The following MCRS1 variants were observed in gnomAD, a reference collection of about 807,000 sequenced individuals.
The protein encoded by MCRS1 is 58 kDa microspherule protein.
A neutral mutation model predicts 62.9 loss-of-function variants in MCRS1; 22 were observed. That is an observed-to-expected ratio of 0.35 (90% confidence interval 0.25 to 0.50). The LOEUF (loss-of-function observed/expected upper bound fraction) is 0.50, where lower values mean the gene tolerates loss of function less well. Ranked by LOEUF, MCRS1 falls within the 20% of genes least tolerant of loss-of-function variation. The pLI is 0.98. For missense variants in MCRS1, 456 were observed against 601.1 expected (o/e 0.76, Z 2.52); for synonymous variants, 244 against 233.5 (o/e 1.04, Z -0.41).
At chr12:49,568,011 C>T (rs773020700) in intron 1 of MCRS1, 37 bp downstream of exon 1, 1 of 152,226 alleles carries the variant, frequency 6.6e-6, no homozygotes, top group Non-Finnish European at 1.5e-5. Context: ...TCCCCAACTC[C>T]TCTGAGAACC....
At chr12:49,560,138 G>A (rs1253445109) in intron 9 of MCRS1, among the ~76,000 whole-genome samples, 157 bp downstream of exon 9, 1 of 152,182 alleles carries the variant, frequency 6.6e-6, no homozygotes, top group Admixed American at 6.5e-5. Flanking sequence ...TAAAGCAGCG[G>A]AGCCTAAGAA....
Position 49,559,652 on chromosome 12 carries a change from A to G in MCRS1, c.1003+77T>C. 1 of 1,595,040 alleles carries G rather than the reference A, an allele frequency of 6.3e-7. No homozygotes were observed. Among genetic ancestry groups the G allele is most frequent in the Non-Finnish European group, 8.6e-7 (1 of 1,164,960 alleles). ...GGGCCTGGGAAACGAGGGTCTCCCC[A>G]GCCAGGCAGCAACAGGGGCACAGGC... On this transcript the variant is annotated intron_variant, in intron 11 of 14. Transcript: ENST00000343810. This position sits in a 1 kb window ranked among gnomAD's most constrained non-coding sequence, Gnocchi z 5.2.
chr12:49,566,118 G>A lies in MCRS1; in HGVS notation c.108C>T (p.Ser36=). 2 of 1,614,242 alleles carry A rather than the reference G, an allele frequency of 1.2e-6. No homozygotes were observed. The highest frequency in any genetic ancestry group is 8.5e-7 in the Non-Finnish European group (1 of 1,180,040). The change falls in exon 3 of 15, where the codon TCC becomes TCT. Residue 36 remains serine, a synonymous_variant. Coordinates refer to ENST00000343810, the MANE Select transcript of MCRS1 (RefSeq NM_006337.5). Reference sequence around the variant, plus strand: ...GTTTAGGGATGGTGCCCAAGGCCTGGGAGGAGGCTCGCTTCTGCCCTGCCA... The same window carrying A: ...GTTTAGGGATGGTGCCCAAGGCCTGAGAGGAGGCTCGCTTCTGCCCTGCCA... ...ESLAGQKRAS[S]QALGTIPKRR...
At position 49,566,818 on chromosome 12, in the gene MCRS1, G is replaced by A. The variant is rs767248054; in HGVS notation, c.-87C>T. 128 of 1,541,886 alleles carry A rather than the reference G, an allele frequency of 8.3e-5. No individual in the cohort carries two copies. The highest frequency in any genetic ancestry group is 9.9e-5 in the Non-Finnish European group (112 of 1,128,356). On this transcript the variant is annotated 5_prime_UTR_variant, in exon 2 of 15. Transcript: ENST00000343810. ...GCTCATCCAAGGATTCTGACCAGGT[G>A]AGCTTAAAGGCTGAGAGGAGATTCT...
In MCRS1 at chr12:49,559,476, G is replaced by A. The variant is rs1432751072; in HGVS notation, c.1063C>T (p.Arg355Trp). ...TLAVLRGRMV[R>W]YLMRSREITL... ...ACCTCACGCGAGCGCATCAGGTACC[G>A]CACCATGCGGCCCCGCAGCACTGCC... The change falls in exon 12 of 15, where the codon CGG becomes TGG. Residue 355 changes from arginine to tryptophan, a missense_variant. Arg to Trp is a moderately radical substitution (Grantham distance 101, BLOSUM62 -3). This residue lies in a region of MCRS1 where 393 missense variants were observed against 523.5 expected (regional missense o/e 0.75). Transcript: ENST00000343810. This position sits in a 1 kb window ranked among gnomAD's most constrained non-coding sequence, Gnocchi z 5.2. 1.2e-6 allele frequency: 2 copies of A among 1,613,376 alleles called. No individual in the cohort carries two copies.
Position 49,558,848 on chromosome 12 carries a change from CCA to C in MCRS1, c.1295_1296del (p.Val432GlyfsTer23). 1 of 1,613,218 alleles carries C rather than the reference CCA, an allele frequency of 6.2e-7. No homozygotes were observed. Among genetic ancestry groups the C allele is most frequent in the Non-Finnish European group, 8.5e-7 (1 of 1,180,026 alleles). ...CTGCCTCCTCCCCAGCTCACCTCCACCACAGAGTTGTTGCTGAGGCGCCATTT... is the reference window on the plus strand; with the variant it reads ...CTGCCTCCTCCCCAGCTCACCTCCACCAGAGTTGTTGCTGAGGCGCCATTT... Reference protein sequence around the residue: ...GSKWRLSNNSVVEIASLRFVF... With the variant: ...GSKWRLSNNSXVEIASLRFVF... On this transcript the variant is annotated frameshift_variant, in exon 14 of 15. Transcript: ENST00000343810. LOFTEE classifies it high-confidence loss of function.
rs1938889323 is a variant in MCRS1 at position 49,563,550 on chromosome 12, G to A, written c.558-4C>T. On this transcript the variant is annotated splice_polypyrimidine_tract_variant and splice_region_variant and intron_variant, in intron 6 of 14. Coordinates refer to ENST00000343810, the MANE Select transcript of MCRS1 (RefSeq NM_006337.5). ...CCTCATGGCCTGACAGGCCAACCTG[G>A]ACACGGAAAGAGACAGAGGGGAGGG... 6.2e-7 allele frequency: 1 copy of A among 1,604,802 alleles called. No individual in the cohort carries two copies. Among genetic ancestry groups the A allele is most frequent in the African/African-American group, 1.3e-5 (1 of 74,866 alleles).
intron 8 of MCRS1, 117 bp from the exon 9 acceptor site, chr12:49,560,487 A>G: frequency 1.1e-6 from 1 of 882,590 alleles, no homozygotes; most frequent in Non-Finnish European, 1.9e-6. Flanking sequence ...GCCCAGCACC[A>G]GCAAGGGTGC....
Position 49,559,404 on chromosome 12 carries a change from C to G in MCRS1, c.1086+49G>C, listed in dbSNP as rs753895615. On this transcript the variant is annotated intron_variant, in intron 12 of 14. Coordinates refer to ENST00000343810, the MANE Select transcript of MCRS1 (RefSeq NM_006337.5). The surrounding 1 kb of genome is among the most constrained non-coding windows in gnomAD (Gnocchi z 5.2). ...AAACCAAGGACTACGCAGAGAAAGG[C>G]ACTGACAGAGGAAGCAGCCTAAGAA... 1 of 1,611,442 alleles carries G rather than the reference C, an allele frequency of 6.2e-7. No individual in the cohort carries two copies. The highest frequency in any genetic ancestry group is 8.5e-7 in the Non-Finnish European group (1 of 1,177,796).
intron 6 of MCRS1, among the ~76,000 whole-genome samples, chr12:49,564,156 C>A (rs1418109043): frequency 1.3e-5 from 2 of 152,184 alleles, no homozygotes; most frequent in Non-Finnish European, 2.9e-5. Context: ...CTGGAGGTGA[C>A]CCGCCCAAAG....
Position 49,559,107 on chromosome 12 carries a change from T to C in MCRS1, c.1174+107A>G. 1.3e-6 allele frequency: 2 copies of C among 1,522,868 alleles called. No homozygotes were observed. Among genetic ancestry groups the C allele is most frequent in the Non-Finnish European group, 1.8e-6 (2 of 1,108,402 alleles). The allele number at this position is 1,522,868 out of a possible 1,614,324, so 94.3% of individuals were successfully genotyped here. ...ACCAAGGAATCCCTGCCTCAGGTGG[T>C]CCACGAGGGTCCCCATGGACACCAA... On this transcript the variant is annotated intron_variant, in intron 13 of 14. Coordinates refer to ENST00000343810, the MANE Select transcript of MCRS1 (RefSeq NM_006337.5). This position sits in a 1 kb window ranked among gnomAD's most constrained non-coding sequence, Gnocchi z 5.2.
chr12:49,567,156 G>A (rs960783391), intron 1 of MCRS1, among the ~76,000 whole-genome samples: 1 of 152,124 alleles, frequency 6.6e-6, no homozygotes, highest in Admixed American at 6.5e-5. Context: ...ACTAGCAAGA[G>A]ACAAGGGATT....
intron 4 of MCRS1, chr12:49,565,237 C>G (rs1388218160): frequency 1.0e-5 from 10 of 985,302 alleles, no homozygotes; most frequent in Non-Finnish European, 1.2e-5. Flanking sequence ...GTTATTTTTA[C>G]ACTCTGCAAT....
At position 49,559,573 on chromosome 12, in the gene MCRS1, G is replaced by A. The variant is rs1299504852; in HGVS notation, c.1004-38C>T. The A allele has an allele frequency of 6.2e-7, 1 of 1,604,480 alleles. No homozygotes were observed. The highest frequency in any genetic ancestry group is 1.1e-5 in the South Asian group (1 of 91,010). On this transcript the variant is annotated intron_variant, in intron 11 of 14. Coordinates refer to ENST00000343810, the MANE Select transcript of MCRS1 (RefSeq NM_006337.5). The surrounding 1 kb of genome is among the most constrained non-coding windows in gnomAD (Gnocchi z 5.2). ...GGAGTTTGGAAGAGCCTACCCCTGAGGGCCAGAATGCAAGGCAGGGAACCA... is the reference window on the plus strand; with the variant it reads ...GGAGTTTGGAAGAGCCTACCCCTGAAGGCCAGAATGCAAGGCAGGGAACCA...
intron 8 of MCRS1, 26 bp downstream of exon 8, chr12:49,562,975 C>T (rs1367035266): frequency 6.3e-7 from 1 of 1,588,872 alleles, no homozygotes; most frequent in Non-Finnish European, 8.6e-7. Context: ...CACACACCCC[C>T]ATTCTGCCAG....
intron 6 of MCRS1, 66 bp downstream of exon 6, chr12:49,564,415 T>C: frequency 7.3e-7 from 1 of 1,377,948 alleles, no homozygotes; most frequent in Admixed American, 1.9e-5. Flanking sequence ...TACAATTCCC[T>C]CTGCTCCAGG....
Position 49,559,567 on chromosome 12 carries a change from C to T in MCRS1, c.1004-32G>A. ...GAAGAGGGAGTTTGGAAGAGCCTACCCCTGAGGGCCAGAATGCAAGGCAGG... is the reference window on the plus strand; with the variant it reads ...GAAGAGGGAGTTTGGAAGAGCCTACTCCTGAGGGCCAGAATGCAAGGCAGG... On this transcript the variant is annotated intron_variant, in intron 11 of 14. Coordinates refer to ENST00000343810, the MANE Select transcript of MCRS1 (RefSeq NM_006337.5). The surrounding 1 kb of genome is among the most constrained non-coding windows in gnomAD (Gnocchi z 5.2). 2 of 1,605,686 alleles carry T rather than the reference C, an allele frequency of 1.2e-6. No individual in the cohort carries two copies. The highest frequency in any genetic ancestry group is 1.7e-6 in the Non-Finnish European group (2 of 1,178,556).
Position 49,564,740 on chromosome 12 carries a change from C to T in MCRS1, c.444G>A (p.Leu148=). The part of the protein sequence containing the change: ...ADDLLLINAV[L]QTNDLTSVHL... ...GAGCCTATGGTGGGGGCACTACCTG[C>T]AACACAGCATTTATGAGCAGGAGGT... The change falls in exon 5 of 15, where the codon TTG becomes TTA. Residue 148 remains leucine (L), a synonymous_variant. Transcript: ENST00000343810. The T allele has an allele frequency of 6.2e-7, 1 of 1,610,444 alleles. No homozygotes were observed. Among genetic ancestry groups the T allele is most frequent in the Non-Finnish European group, 8.5e-7 (1 of 1,177,898 alleles).
intron 1 of MCRS1, 125 bp from the exon 2 acceptor site, chr12:49,566,966 A>G: frequency 1.7e-6 from 1 of 580,656 alleles, no homozygotes; most frequent in East Asian, 3.0e-5. Flanking sequence ...GGAAAGAGGC[A>G]TAAGGCCCCA....
Sources: allele counts gnomAD v4.1 joint callset (sites outside exome capture counted in the v4.1 genomes callset), GRCh38; gene constraint gnomAD v4.1.1; regional missense constraint gnomAD v4.1.1; non-coding constraint Gnocchi (gnomAD v3.1); transcripts MANE v1.5; gene names NCBI Gene and HGNC (gene_info 2026-07-23, HGNC 2026-07-21).